Variants in VEGFC observed in about 807,000 individuals in gnomAD.
The protein encoded by VEGFC is vascular endothelial growth factor C.
VEGFC carries 12 observed loss-of-function variants against 46.1 expected under a neutral mutation model. The ratio of observed to expected loss-of-function variants is 0.26; its 90% CI spans 0.17 to 0.42. The LOEUF (loss-of-function observed/expected upper bound fraction) is 0.42. Ranked by LOEUF, VEGFC falls within the 10% of genes least tolerant of loss-of-function variation. VEGFC has a pLI of 1.00. For missense variants in VEGFC, 488 were observed against 529.4 expected, an observed-to-expected ratio of 0.92 and a Z score of 0.77; for synonymous variants, 232 against 195.5, an observed-to-expected ratio of 1.19 and a Z score of -1.56.
At chr4:176,733,366 T>G (rs1734999817) in intron 1 of VEGFC, among the ~76,000 whole-genome samples, 1 of 151,976 alleles carries the variant, frequency 6.6e-6, no homozygotes. Flanking sequence ...CAAATGTTCT[T>G]TAGCTGGGCA....
Position 176,766,105 on chromosome 4 carries a change from C to A in VEGFC, c.147+26060G>T, listed in dbSNP as rs569852041. Among the ~76,000 whole-genome samples the A allele has an allele frequency of 1.3e-5, 2 of 152,096 alleles. 1 individual carries two copies. The highest frequency in any genetic ancestry group is 4.8e-5 in the African/African-American group (2 of 41,478). On this transcript the variant is annotated intron_variant, in intron 1 of 6. Transcript: ENST00000618562. ...TACCGAAAAGGAAGATATGCAAGGT[C>A]TCTACACAAAAAGAAAAACTTAAAA...
In VEGFC at chr4:176,729,525, A is replaced by G. The variant is rs1734925822; in HGVS notation, c.361+8T>C. On this transcript the variant is annotated splice_region_variant and intron_variant, in intron 2 of 6. Transcript: ENST00000618562. ...AGGCTTACTATACATTTTATTTCCC[A>G]TACTTACTTTTCAAGATCTCTGTAT... is the stretch of plus-strand genomic sequence containing the variant. The G allele has an allele frequency of 5.0e-6, 8 of 1,609,222 alleles. No homozygotes were observed. In the East Asian group the frequency reaches 1.6e-4, roughly 32 times the overall value.
At chr4:176,695,779 C>A (rs1229341822) in intron 4 of VEGFC, among the ~76,000 whole-genome samples, 2 of 152,030 alleles carry the variant, frequency 1.3e-5, no homozygotes, top group African/African-American at 4.8e-5. Flanking sequence ...AGCTTATCCA[C>A]CATGATCAAG....
At chr4:176,738,136 T>C (rs939845464) in intron 1 of VEGFC, among the ~76,000 whole-genome samples, 5 of 152,022 alleles carry the variant, frequency 3.3e-5, no homozygotes, top group African/African-American at 1.2e-4. Context: ...CCCAAAGTAA[T>C]TGATAGATTC....
At chr4:176,760,042 G>A (rs561512920) in intron 1 of VEGFC, among the ~76,000 whole-genome samples, 8 of 151,972 alleles carry the variant, frequency 5.3e-5, no homozygotes, top group Non-Finnish European at 8.8e-5. Context: ...CAAATAAGTC[G>A]AAATGAGGTA....
intron 4 of VEGFC, among the ~76,000 whole-genome samples, chr4:176,708,279 T>C (rs1490971834): frequency 2.6e-5 from 4 of 151,928 alleles, no homozygotes; most frequent in African/African-American, 7.2e-5. Context: ...CAGATTACCT[T>C]AAAAGTTTCC....
intron 1 of VEGFC, among the ~76,000 whole-genome samples, chr4:176,739,108 C>G (rs963892018): frequency 2.6e-5 from 4 of 151,726 alleles, no homozygotes; most frequent in African/African-American, 2.4e-5. Flanking sequence ...AATGAGATAC[C>G]ATCTTATTCC....
intron 4 of VEGFC, among the ~76,000 whole-genome samples, chr4:176,695,253 G>C (rs1233605836): frequency 2.0e-5 from 3 of 150,880 alleles, no homozygotes; most frequent in African/African-American, 7.3e-5. Context: ...AAGAAAAAAA[G>C]AGAGAAGAAT....
chr4:176,720,813 C>T (rs189895057), intron 3 of VEGFC, among the ~76,000 whole-genome samples: 3 of 149,658 alleles, frequency 2.0e-5, no homozygotes, highest in South Asian at 4.3e-4. Flanking sequence ...TGCACTCCCC[C>T]ACCTGGGCAA....
intron 1 of VEGFC, among the ~76,000 whole-genome samples, chr4:176,767,040 G>A (rs1174516455): frequency 7.2e-6 from 1 of 138,160 alleles, no homozygotes; most frequent in African/African-American, 2.7e-5. Context: ...AAAAAGACCA[G>A]TAAGAGATGG....
At chr4:176,750,880 T>A (rs901288783) in intron 1 of VEGFC, among the ~76,000 whole-genome samples, 8 of 151,666 alleles carry the variant, frequency 5.3e-5, no homozygotes, top group Admixed American at 2.6e-4. Flanking sequence ...AAAATTTCTA[T>A]ACGTTTGAAA....
chr4:176,774,017 T>A (rs1735766048), intron 1 of VEGFC, among the ~76,000 whole-genome samples: 2 of 152,146 alleles, frequency 1.3e-5, no homozygotes, highest in Non-Finnish European at 2.9e-5. Context: ...ACAATGCTCA[T>A]CTTTAGAAGT....
intron 4 of VEGFC, among the ~76,000 whole-genome samples, chr4:176,707,612 T>C (rs1337921969): frequency 6.6e-6 from 1 of 152,142 alleles, no homozygotes; most frequent in East Asian, 1.9e-4. Flanking sequence ...GTATGAGGCC[T>C]GGATGGGGCT....
intron 4 of VEGFC, among the ~76,000 whole-genome samples, chr4:176,692,796 C>T (rs1734226935): frequency 1.4e-5 from 2 of 146,796 alleles, no homozygotes; most frequent in Admixed American, 6.7e-5. Flanking sequence ...GGGCAGACTG[C>T]TTCCTCAAGT....
At chr4:176,713,505 T>C (rs570673629) in intron 3 of VEGFC, among the ~76,000 whole-genome samples, 14 of 152,228 alleles carry the variant, frequency 9.2e-5, no homozygotes, top group Non-Finnish European at 1.0e-4. Context: ...ATTTGTATAA[T>C]TTATAATTTG....
rs1461004429 is a variant in VEGFC at position 176,780,304 on chromosome 4, C to G, written c.147+11861G>C. On this transcript the variant is annotated intron_variant, in intron 1 of 6. Transcript: ENST00000618562. The stretch of plus-strand genomic sequence containing the variant: ...GCTGAAGCAGGGAGAATTGCTTGAA[C>G]CCGGGAGGCGGAGGTTGCAGTGAGC... 2.8e-5 allele frequency among the ~76,000 whole-genome samples: 4 copies of G among 142,556 alleles called. No homozygotes were observed. In the East Asian group the frequency reaches 6.6e-4, roughly 24 times the overall value. The allele number at this position is 142,556 out of a possible 152,430, so 93.5% of individuals were successfully genotyped here.
chr4:176,762,904 T>C (rs189643629), intron 1 of VEGFC, among the ~76,000 whole-genome samples: 2 of 152,314 alleles, frequency 1.3e-5, no homozygotes, highest in Admixed American at 6.5e-5. Context: ...GTTCCCTAAG[T>C]TAAGCTAGAA....
At chr4:176,766,377 G>A (rs908462754) in intron 1 of VEGFC, among the ~76,000 whole-genome samples, 1 of 152,084 alleles carries the variant, frequency 6.6e-6, no homozygotes, top group Non-Finnish European at 1.5e-5. Flanking sequence ...ATTGAACCCA[G>A]GAGTTCAAGG....
At chr4:176,699,578 T>G (rs1409082409) in intron 4 of VEGFC, among the ~76,000 whole-genome samples, 2 of 152,200 alleles carry the variant, frequency 1.3e-5, no homozygotes, top group African/African-American at 4.8e-5. Context: ...TACAGAGCCC[T>G]GGGTAAAAAT....
Sources: allele counts gnomAD v4.1 joint callset (sites outside exome capture counted in the v4.1 genomes callset), GRCh38; gene constraint gnomAD v4.1.1; transcripts MANE v1.5; gene names NCBI Gene and HGNC (gene_info 2026-07-23, HGNC 2026-07-21).